The following COL25A1 variants were observed in gnomAD, a reference collection of about 807,000 sequenced individuals.
COL25A1 encodes collagen alpha-1(XXV) chain.
In COL25A1, 103 loss-of-function variants were observed where a neutral mutation model predicts 128.4. The ratio of observed to expected loss-of-function variants is 0.80; its 90% CI spans 0.68 to 0.94. The LOEUF (loss-of-function observed/expected upper bound fraction) is 0.94, where lower values mean the gene tolerates loss of function less well. COL25A1 is among the 40% of genes least tolerant of loss of function. The probability of loss-of-function intolerance (pLI) is 0.00; values close to 1 mark genes in which losing one functional copy is unlikely to be tolerated. For synonymous variants in COL25A1, 279 were observed against 277.2 expected, an observed-to-expected ratio of 1.01 and a Z score of -0.06; for missense variants, 745 against 840.0, an observed-to-expected ratio of 0.89 and a Z score of 1.40.
In COL25A1 at chr4:108,859,696, T is replaced by C. The variant is rs769717605; in HGVS notation, c.1280A>G (p.Glu427Gly). Residue 427 changes from glutamate (E) to glycine (G), a missense_variant, in exon 24 of 38, where the codon GAG (glutamate) becomes GGG (glycine). Around this residue, in one of 3 missense-constraint regions of COL25A1, gnomAD observed 387 missense variants for 441.9 expected, o/e 0.88. Coordinates refer to ENST00000399132, the MANE Select transcript of COL25A1 (RefSeq NM_198721.4). The stretch of plus-strand genomic sequence containing the variant: ...GAGGTTGCCGTTGTAGTCTATGATC[T>C]CAGTGGCTCCTTGATCCCCTTTTTG... The part of the protein sequence containing the change: ...PGQKGDQGAT[E>G]IIDYNGNLHE... 4 of 1,613,918 alleles carry C rather than the reference T, an allele frequency of 2.5e-6. No individual in the cohort carries two copies. The East Asian group carries it at 6.7e-5, about 27-fold the overall frequency.
chr4:109,097,434 G>T lies in COL25A1; in HGVS notation c.368-47255C>A, dbSNP rs1212279935. ...AGCCTGGGCAACATGGAGAAACCCT[G>T]TCTAAAAAAAAAAAAAAAAACCACA... On this transcript the variant is annotated intron_variant, in intron 3 of 37. Transcript: ENST00000399132. Among the ~76,000 whole-genome samples the T allele has an allele frequency of 2.3e-5, 3 of 131,338 alleles. No individual in the cohort carries two copies. In the South Asian group the frequency reaches 7.5e-4, roughly 33 times the overall value. 86.2% of individuals were successfully genotyped at this position (131,338 alleles called of 152,430 possible). A position where few individuals can be genotyped will look rare whatever the true frequency, so the allele number is the denominator to read the frequency against.
chr4:108,891,715 T>G (rs1305314447), intron 16 of COL25A1, among the ~76,000 whole-genome samples: 2 of 151,972 alleles, frequency 1.3e-5, no homozygotes, highest in East Asian at 1.9e-4. Flanking sequence ...TTTTAGGTTT[T>G]TTTTTTTTAA....
chr4:109,295,786 T>C (rs1286674871), intron 3 of COL25A1, among the ~76,000 whole-genome samples: 2 of 152,100 alleles, frequency 1.3e-5, no homozygotes, highest in African/African-American at 2.4e-5. Flanking sequence ...GCAATATCAT[T>C]TGCATTTATG....
chr4:108,966,243 G>A (rs1388255743), intron 8 of COL25A1, among the ~76,000 whole-genome samples: 1 of 138,226 alleles, frequency 7.2e-6, no homozygotes, highest in African/African-American at 2.7e-5. Context: ...ATTACTATAT[G>A]GCCATTCATC....
At position 108,832,047 on chromosome 4, in the gene COL25A1, C is replaced by T. The variant is rs191394886; in HGVS notation, c.1710+333G>A. On this transcript the variant is annotated intron_variant, in intron 32 of 37. Coordinates refer to ENST00000399132, the MANE Select transcript of COL25A1 (RefSeq NM_198721.4). ...AAGATTATCAACCAGAATACATACT[C>T]CGGAAATTTTAGCTCCATTGACTTC... 4.2e-3 allele frequency among the ~76,000 whole-genome samples: 601 copies of T among 142,448 alleles called. 3 individuals carry two copies. Among genetic ancestry groups the T allele is most frequent in the Non-Finnish European group, 7.3e-3 (468 of 64,370 alleles). The allele number at this position is 142,448 out of a possible 152,430, so 93.5% of individuals were successfully genotyped here. A position where few individuals can be genotyped will look rare whatever the true frequency, so the allele number is the denominator to read the frequency against.
intron 3 of COL25A1, among the ~76,000 whole-genome samples, chr4:109,295,607 C>T (rs1724899965): frequency 1.3e-5 from 2 of 151,868 alleles, no homozygotes; most frequent in Admixed American, 1.3e-4. Flanking sequence ...AGTGAAAAAC[C>T]ATGTATACTA....
intron 3 of COL25A1, among the ~76,000 whole-genome samples, chr4:109,291,117 G>A (rs903839091): frequency 6.6e-6 from 1 of 152,116 alleles, no homozygotes; most frequent in Admixed American, 6.6e-5. Context: ...GACAAGTGAC[G>A]AAGGTGCTTC....
intron 3 of COL25A1, among the ~76,000 whole-genome samples, chr4:109,064,796 A>G (rs1174756306): frequency 6.6e-6 from 1 of 152,168 alleles, no homozygotes; most frequent in East Asian, 1.9e-4. Context: ...TTCTAACTAA[A>G]TGACCACATC....
intron 6 of COL25A1, among the ~76,000 whole-genome samples, chr4:109,002,301 G>C (rs1364406499): frequency 6.6e-6 from 1 of 152,186 alleles, no homozygotes; most frequent in Non-Finnish European, 1.5e-5. Flanking sequence ...TCAAGATATG[G>C]AATCAACCTA....
intron 3 of COL25A1, among the ~76,000 whole-genome samples, chr4:109,296,586 T>C (rs911052952): frequency 6.6e-6 from 1 of 152,106 alleles, no homozygotes; most frequent in Non-Finnish European, 1.5e-5. Flanking sequence ...ACAAATGCCC[T>C]TCAAAATCAT....
chr4:109,203,509 G>T (rs1776735157), intron 3 of COL25A1, among the ~76,000 whole-genome samples: 1 of 151,960 alleles, frequency 6.6e-6, no homozygotes, highest in South Asian at 2.1e-4. Flanking sequence ...GAATTCACAG[G>T]ATGATGCTGA....
intron 8 of COL25A1, among the ~76,000 whole-genome samples, chr4:108,953,890 C>T (rs893823194): frequency 6.6e-5 from 10 of 152,176 alleles, no homozygotes; most frequent in African/African-American, 2.4e-4. Context: ...AGGACTTTGC[C>T]TCATAGCACA....
intron 3 of COL25A1, among the ~76,000 whole-genome samples, chr4:109,160,167 AT>A (rs1772422259): frequency 1.3e-5 from 2 of 152,186 alleles, no homozygotes; most frequent in South Asian, 4.1e-4. Flanking sequence ...CAAAATTTAC[AT>A]TGCTTTTTCT....
intron 3 of COL25A1, among the ~76,000 whole-genome samples, chr4:109,158,747 T>C (rs1466171937): frequency 3.3e-5 from 5 of 152,172 alleles, no homozygotes; most frequent in Non-Finnish European, 5.9e-5. Context: ...TTAAAGAAAA[T>C]ACCCTAAGTT....
intron 35 of COL25A1, among the ~76,000 whole-genome samples, chr4:108,820,311 T>G (rs1202585203): frequency 6.6e-6 from 1 of 152,146 alleles, no homozygotes; most frequent in Non-Finnish European, 1.5e-5. Flanking sequence ...CACCTTGCTT[T>G]TTTCTAATCC....
chr4:109,099,545 C>A (rs1262285412), intron 3 of COL25A1, among the ~76,000 whole-genome samples: 1 of 151,212 alleles, frequency 6.6e-6, no homozygotes, highest in Non-Finnish European at 1.5e-5. Context: ...AATTATGGAA[C>A]TTGTAGAACC....
intron 3 of COL25A1, among the ~76,000 whole-genome samples, chr4:109,125,972 T>C (rs1044941316): frequency 1.3e-5 from 2 of 152,218 alleles, no homozygotes; most frequent in African/African-American, 4.8e-5. Flanking sequence ...GGAAGAGATA[T>C]ACATAATAAC....
At chr4:109,016,407 T>C (rs1244104121) in intron 5 of COL25A1, among the ~76,000 whole-genome samples, 1 of 152,200 alleles carries the variant, frequency 6.6e-6, no homozygotes, top group Non-Finnish European at 1.5e-5. Context: ...GGAAGACATG[T>C]TGATGACAGC....
At chr4:108,862,240 T>C (rs1737321190) in intron 22 of COL25A1, among the ~76,000 whole-genome samples, 1 of 152,210 alleles carries the variant, frequency 6.6e-6, no homozygotes, top group African/African-American at 2.4e-5. Flanking sequence ...AAAGAAGCTA[T>C]TCCTATGAAA....
Sources: allele counts gnomAD v4.1 joint callset (sites outside exome capture counted in the v4.1 genomes callset), GRCh38; gene constraint gnomAD v4.1.1; regional missense constraint gnomAD v4.1.1; transcripts MANE v1.5; gene names NCBI Gene and HGNC (gene_info 2026-07-23, HGNC 2026-07-21).